The following LARS2 variants were observed in gnomAD, a reference collection of about 807,000 sequenced individuals.
LARS2 encodes the protein leucyl-tRNA synthetase 2, mitochondrial.
Under a neutral mutation model 116.6 loss-of-function variants are expected in LARS2, and 81 were observed. That is an observed-to-expected ratio of 0.69 (90% CI 0.58 to 0.84). LARS2 has a LOEUF of 0.84. Among genes scored for constraint, LARS2 ranks in the 40% least tolerant of loss-of-function variants. LARS2 has a pLI of 0.00. For synonymous variants in LARS2, 396 were observed against 407.2 expected, an observed-to-expected ratio of 0.97 and a Z score of 0.33; for missense variants, 968 against 1,114.5, an observed-to-expected ratio of 0.87 and a Z score of 1.87.
intron 12 of LARS2, 116 bp from the exon 13 acceptor site, chr3:45,491,401 C>A: frequency 9.0e-7 from 1 of 1,114,536 alleles, no homozygotes. Flanking sequence ...CACAGCTCTG[C>A]ACAGAACTGG....
intron 14 of LARS2, among the ~76,000 whole-genome samples, chr3:45,497,979 G>T (rs1456346679): frequency 6.6e-6 from 1 of 152,184 alleles, no homozygotes; most frequent in Non-Finnish European, 1.5e-5. Context: ...CAGGAAGGGT[G>T]CAAGGTGACG....
chr3:45,451,689 G>T (rs567127705), intron 7 of LARS2, among the ~76,000 whole-genome samples: 1 of 152,082 alleles, frequency 6.6e-6, no homozygotes, highest in South Asian at 2.1e-4. Context: ...GCTATTCAGG[G>T]TCTTTTGTGG....
At chr3:45,436,829 G>A (rs190770894) in intron 6 of LARS2, among the ~76,000 whole-genome samples, 2 of 150,644 alleles carry the variant, frequency 1.3e-5, no homozygotes, top group Admixed American at 1.3e-4. Context: ...AAAGCCGTTT[G>A]TATTGTTAGA....
At chr3:45,479,145 A>G (rs1321863584) in intron 10 of LARS2, among the ~76,000 whole-genome samples, 1 of 152,150 alleles carries the variant, frequency 6.6e-6, no homozygotes, top group Non-Finnish European at 1.5e-5. Context: ...GTTTCTACAT[A>G]TCGGCTCCTG....
At chr3:45,537,597 A>C (rs1700726048) in intron 20 of LARS2, among the ~76,000 whole-genome samples, 1 of 152,010 alleles carries the variant, frequency 6.6e-6, no homozygotes, top group Non-Finnish European at 1.5e-5. Flanking sequence ...CTCTGTGTAA[A>C]GGATAAAGCA....
chr3:45,528,385 T>C (rs1575315311), intron 20 of LARS2, among the ~76,000 whole-genome samples: 1 of 152,180 alleles, frequency 6.6e-6, no homozygotes, highest in East Asian at 1.9e-4. Flanking sequence ...CCTATGTGTA[T>C]TGTATTTTGT....
intron 20 of LARS2, among the ~76,000 whole-genome samples, chr3:45,540,103 CA>C (rs1166451045): frequency 3.3e-5 from 5 of 151,788 alleles, no homozygotes; most frequent in African/African-American, 4.8e-5. Context: ...ACTAAAAATA[CA>C]AAAAATTAGC....
chr3:45,446,559 A>G (rs1465348509), intron 6 of LARS2, among the ~76,000 whole-genome samples: 1 of 152,264 alleles, frequency 6.6e-6, no homozygotes, highest in Non-Finnish European at 1.5e-5. Flanking sequence ...CCCCCAGTGT[A>G]TGTTTGTGCT....
At chr3:45,419,850 A>G (rs1698487981) in intron 6 of LARS2, 121 bp downstream of exon 6, 1 of 789,538 alleles carries the variant, frequency 1.3e-6, no homozygotes. Flanking sequence ...GCAGGAGGGA[A>G]GGATTAGCAC....
At chr3:45,485,346 G>T (rs1456611365) in intron 10 of LARS2, among the ~76,000 whole-genome samples, 2 of 152,028 alleles carry the variant, frequency 1.3e-5, no homozygotes, top group Admixed American at 1.3e-4. Context: ...GATGTCCCTG[G>T]TTTCACTACA....
intron 15 of LARS2, among the ~76,000 whole-genome samples, chr3:45,507,383 G>A (rs1700215692): frequency 6.6e-6 from 1 of 152,024 alleles, no homozygotes; most frequent in South Asian, 2.1e-4. Flanking sequence ...AAGCAGTTTG[G>A]CAATACATAG....
At chr3:45,514,311 G>A (rs908272396) in intron 16 of LARS2, among the ~76,000 whole-genome samples, 1 of 152,216 alleles carries the variant, frequency 6.6e-6, no homozygotes, top group African/African-American at 2.4e-5. Context: ...AAAAACTAGT[G>A]CATAATGGAT....
intron 16 of LARS2, 38 bp from the exon 17 acceptor site, chr3:45,516,056 T>C: frequency 1.3e-6 from 2 of 1,549,538 alleles, no homozygotes; most frequent in Non-Finnish European, 1.8e-6. Flanking sequence ...CAATTCACAA[T>C]GACACATACC....
At chr3:45,461,576 A>G (rs1486645360) in intron 8 of LARS2, among the ~76,000 whole-genome samples, 1 of 152,144 alleles carries the variant, frequency 6.6e-6, no homozygotes, top group Non-Finnish European at 1.5e-5. Context: ...AAGGAAGGGA[A>G]TGGCATGGTC....
chr3:45,516,112 C>G lies in LARS2; in HGVS notation c.1880C>G (p.Ala627Gly), dbSNP rs1361537828. The G allele has an allele frequency of 1.9e-6, 3 of 1,613,964 alleles. No homozygotes were observed. The highest frequency in any genetic ancestry group is 2.2e-5 in the East Asian group (1 of 44,878). Residue 627 changes from alanine (A) to glycine (G), a missense_variant, in exon 17 of 22, where the codon GCA becomes GGA. Transcript: ENST00000645846. ...CATCTAGGTTCCGTTCCTGTTCATGCAAAAACGAAAGAGAAGTTAGAGGTG... is the reference window on the plus strand; with the variant it reads ...CATCTAGGTTCCGTTCCTGTTCATGGAAAAACGAAAGAGAAGTTAGAGGTG... ...VDLTGSVPVH[A>G]KTKEKLEVTW...
intron 20 of LARS2, among the ~76,000 whole-genome samples, chr3:45,528,659 A>G (rs1334698652): frequency 6.6e-6 from 1 of 152,212 alleles, no homozygotes; most frequent in Non-Finnish European, 1.5e-5. Context: ...GAAATGTTAT[A>G]TAAATGAAAT....
chr3:45,409,623 A>G lies in LARS2; in HGVS notation c.364-7859A>G, dbSNP rs140837627. Among the ~76,000 whole-genome samples the G allele has an allele frequency of 4.0e-3, 615 of 152,286 alleles. 6 individuals carry two copies. The highest frequency in any genetic ancestry group is 0.014 in the African/African-American group (567 of 41,556). ...TTTGTTTCCCCCTTGACAGTGGTGA[A>G]TCATCTTATAGAACAAAAGTGAGCT... On this transcript the variant is annotated intron_variant, in intron 4 of 21. Transcript: ENST00000645846.
Position 45,491,669 on chromosome 3 carries a change from C to T in LARS2, c.1392C>T (p.Cys464=), listed in dbSNP as rs775041032. ...GCACACCAATCCCCATTGTCCACTG[C>T]CCAGTCTGTGGCCCCACACCTGTGC... ...YWGTPIPIVH[C]PVCGPTPVPL... Residue 464 remains cysteine (C), a synonymous_variant, in exon 13 of 22, where the codon TGC becomes TGT. Transcript: ENST00000645846. The T allele has an allele frequency of 1.6e-4, 254 of 1,614,082 alleles. No individual in the cohort carries two copies. The highest frequency in any genetic ancestry group is 2.0e-4 in the Non-Finnish European group (235 of 1,180,042).
intron 7 of LARS2, among the ~76,000 whole-genome samples, chr3:45,449,881 T>C (rs1699095448): frequency 6.6e-6 from 1 of 152,210 alleles, no homozygotes; most frequent in African/African-American, 2.4e-5. Context: ...AGCTGGAGTG[T>C]TTAAGTCTTT....
Sources: gnomAD v4.1 joint callset for allele counts (sites outside exome capture counted in the v4.1 genomes callset) on GRCh38, gnomAD v4.1.1 for gene constraint, MANE v1.5 for transcripts, NCBI Gene and HGNC (gene_info 2026-07-23, HGNC 2026-07-21) for gene names.